The following ANKRD44 variants were observed in gnomAD, a reference collection of about 807,000 sequenced individuals.
ANKRD44 encodes the protein serine/threonine-protein phosphatase 6 regulatory ankyrin repeat subunit B.
A neutral mutation model predicts 116.0 loss-of-function variants in ANKRD44; 35 were observed. That is an observed-to-expected ratio of 0.30 (90% CI 0.23 to 0.40). The LOEUF is 0.40. Among genes scored for constraint, ANKRD44 ranks in the 10% least tolerant of loss-of-function variants. The pLI, the probability that ANKRD44 is intolerant of heterozygous loss-of-function variation, is 1.00. For missense variants in ANKRD44, 1,014 were observed against 1,242.6 expected (o/e 0.82, Z 2.77); for synonymous variants, 435 against 461.8 (o/e 0.94, Z 0.74).
chr2:197,245,080 G>A (rs746629227), intron 1 of ANKRD44, among the ~76,000 whole-genome samples: 8 of 152,170 alleles, frequency 5.3e-5, no homozygotes, highest in Non-Finnish European at 1.0e-4. Flanking sequence ...GGCCAACATG[G>A]TAAGACCCAT....
intron 9 of ANKRD44, among the ~76,000 whole-genome samples, chr2:197,106,903 C>A (rs138640467): frequency 6.6e-6 from 1 of 151,364 alleles, no homozygotes; most frequent in African/African-American, 2.4e-5. Context: ...ATAAACAGCA[C>A]CTCTAGATAA....
chr2:197,169,040 C>T (rs780450068), intron 2 of ANKRD44, among the ~76,000 whole-genome samples: 1 of 152,198 alleles, frequency 6.6e-6, no homozygotes, highest in Non-Finnish European at 1.5e-5. Context: ...CCTCGCTCAG[C>T]TCTGATGACC....
At chr2:197,303,219 C>A (rs1401921558) in intron 1 of ANKRD44, among the ~76,000 whole-genome samples, 1 of 152,184 alleles carries the variant, frequency 6.6e-6, no homozygotes, top group Non-Finnish European at 1.5e-5. Flanking sequence ...AAGGCAGATA[C>A]TTTTTGAACT....
chr2:197,007,027 C>A (rs2076214288), intron 20 of ANKRD44, among the ~76,000 whole-genome samples: 1 of 151,762 alleles, frequency 6.6e-6, no homozygotes, highest in South Asian at 2.1e-4. Flanking sequence ...GATCATTGAG[C>A]CTGGGAGGTG....
intron 4 of ANKRD44, 91 bp from the exon 5 acceptor site, chr2:197,126,128 G>A: frequency 1.5e-6 from 2 of 1,337,778 alleles, no homozygotes; most frequent in Middle Eastern, 1.8e-4. Flanking sequence ...CTGGAACTAT[G>A]GAGAGAAAGG....
intron 9 of ANKRD44, among the ~76,000 whole-genome samples, chr2:197,106,699 A>G (rs1408000364): frequency 6.7e-6 from 1 of 149,904 alleles, no homozygotes; most frequent in Non-Finnish European, 1.5e-5. Context: ...CTGAGGCAGG[A>G]GAATGGAGTG....
At chr2:197,113,666 G>A (rs1574481142) in intron 8 of ANKRD44, among the ~76,000 whole-genome samples, 1 of 152,312 alleles carries the variant, frequency 6.6e-6, no homozygotes, top group East Asian at 1.9e-4. Flanking sequence ...GGTGGGCAAA[G>A]CCAGGCCCAT....
chr2:197,159,008 T>C lies in ANKRD44; in HGVS notation c.112-11903A>G, dbSNP rs77245775. Among the ~76,000 whole-genome samples the C allele has an allele frequency of 8.2e-3, 863 of 104,948 alleles. 9 individuals carry two copies. Among genetic ancestry groups the C allele is most frequent in the African/African-American group, 0.021 (705 of 32,928 alleles). 68.8% of individuals were successfully genotyped at this position (104,948 alleles called of 152,430 possible). A position where few individuals can be genotyped will look rare whatever the true frequency, so the allele number is the denominator to read the frequency against. On this transcript the variant is annotated intron_variant, in intron 2 of 27. Coordinates refer to ENST00000282272, the MANE Select transcript of ANKRD44 (RefSeq NM_001195144.2). The stretch of plus-strand genomic sequence containing the variant: ...AAACACACACACACACACACACACA[T>C]ACACACACATACACACGGTATTAGA...
intron 1 of ANKRD44, among the ~76,000 whole-genome samples, chr2:197,290,989 C>T (rs545257235): frequency 1.3e-5 from 2 of 150,808 alleles, no homozygotes; most frequent in South Asian, 2.1e-4. Flanking sequence ...AGGGAGGATC[C>T]CTTGAGGCCA....
At chr2:196,970,416 G>C (rs1559387913) in intron 21 of ANKRD44, among the ~76,000 whole-genome samples, 1 of 152,132 alleles carries the variant, frequency 6.6e-6, no homozygotes, top group South Asian at 2.1e-4. Context: ...GCTTTAAGCT[G>C]TTTGAGTTCA....
intron 1 of ANKRD44, among the ~76,000 whole-genome samples, chr2:197,250,202 T>G (rs1354484626): frequency 6.6e-6 from 1 of 152,174 alleles, no homozygotes; most frequent in Non-Finnish European, 1.5e-5. Context: ...CAGCCTTGGT[T>G]GTTGGCAGCC....
chr2:197,109,981 A>ATT (rs35431039), intron 9 of ANKRD44, among the ~76,000 whole-genome samples: 81 of 148,532 alleles, frequency 5.5e-4, no homozygotes, highest in East Asian at 3.4e-3. Flanking sequence ...AAGCCTGTGA[A>ATT]TTTTTTTTTT....
chr2:197,245,197 T>C (rs1459602496), intron 1 of ANKRD44, among the ~76,000 whole-genome samples: 2 of 152,084 alleles, frequency 1.3e-5, no homozygotes, highest in Non-Finnish European at 2.9e-5. Context: ...GAGGTGAACA[T>C]TGCAGTGAGC....
intron 2 of ANKRD44, among the ~76,000 whole-genome samples, chr2:197,165,777 G>A (rs2080088695): frequency 6.6e-6 from 1 of 152,174 alleles, no homozygotes; most frequent in Admixed American, 6.5e-5. Flanking sequence ...ATGTTTAATA[G>A]TAACTATGAG....
chr2:197,158,572 GT>G (rs1559112510), intron 2 of ANKRD44, among the ~76,000 whole-genome samples: 1 of 152,206 alleles, frequency 6.6e-6, no homozygotes, highest in Non-Finnish European at 1.5e-5. Context: ...GCAGCTGCTA[GT>G]TTTTCACCAC....
At chr2:197,298,735 TG>T (rs1260031191) in intron 1 of ANKRD44, among the ~76,000 whole-genome samples, 12 of 152,058 alleles carry the variant, frequency 7.9e-5, no homozygotes, top group African/African-American at 2.9e-4. Context: ...CTGGGCAACA[TG>T]GTGAAACTCA....
At chr2:197,245,119 G>A (rs981460408) in intron 1 of ANKRD44, among the ~76,000 whole-genome samples, 8 of 152,176 alleles carry the variant, frequency 5.3e-5, no homozygotes, top group African/African-American at 1.4e-4. Context: ...AATTAGCCAG[G>A]AATGGTGGTG....
At chr2:197,065,292 A>G (rs1344235202) in intron 16 of ANKRD44, among the ~76,000 whole-genome samples, 5 of 152,200 alleles carry the variant, frequency 3.3e-5, no homozygotes, top group Non-Finnish European at 5.9e-5. Context: ...TCTCTGGGAC[A>G]CATTTAAAGC....
chr2:196,984,313 C>T (rs2075822456), downstream of ANKRD44, among the ~76,000 whole-genome samples: 1 of 152,084 alleles, frequency 6.6e-6, no homozygotes, highest in South Asian at 2.1e-4. Context: ...AGCCATTGTG[C>T]CAACTACAAA....
Sources: gnomAD v4.1 joint callset for allele counts (sites outside exome capture counted in the v4.1 genomes callset) on GRCh38, gnomAD v4.1.1 for gene constraint, MANE v1.5 for transcripts, NCBI Gene and HGNC (gene_info 2026-07-23, HGNC 2026-07-21) for gene names.